Variants in RBFOX1 observed in about 807,000 individuals in gnomAD.
The protein encoded by RBFOX1 is RNA binding protein fox-1 homolog 1.
A neutral mutation model predicts 57.7 loss-of-function variants in RBFOX1; 8 were observed. That is an observed-to-expected ratio of 0.14 (90% CI 0.08 to 0.25). RBFOX1 has a LOEUF of 0.25. Among genes scored for constraint, RBFOX1 ranks in the 10% least tolerant of loss-of-function variants. The pLI is 1.00. For synonymous variants in RBFOX1, 326 were observed against 222.4 expected, an observed-to-expected ratio of 1.47 and a Z score of -4.15; for missense variants, 611 against 548.5, an observed-to-expected ratio of 1.11 and a Z score of -1.14.
chr16:7,691,481 G>A (rs560024478), intron 14 of RBFOX1, among the ~76,000 whole-genome samples: 2 of 151,952 alleles, frequency 1.3e-5, no homozygotes, highest in African/African-American at 2.4e-5. Context: ...GAGAGGAAAA[G>A]AGGAAGAAAG....
chr16:5,924,973 C>A (rs147591238), intron 4 of RBFOX1, among the ~76,000 whole-genome samples: 2 of 152,154 alleles, frequency 1.3e-5, no homozygotes, highest in African/African-American at 4.8e-5. Context: ...CAGGGACCTT[C>A]CTATTCTTCC....
At chr16:5,883,466 C>T (rs2057816349) in intron 4 of RBFOX1, among the ~76,000 whole-genome samples, 1 of 152,048 alleles carries the variant, frequency 6.6e-6, no homozygotes, top group Admixed American at 6.6e-5. Flanking sequence ...TTGCATCTTA[C>T]CATATTGGTA....
At chr16:6,576,422 G>T (rs893122587) in intron 2 of RBFOX1, among the ~76,000 whole-genome samples, 3 of 152,072 alleles carry the variant, frequency 2.0e-5, no homozygotes, top group African/African-American at 7.2e-5. Flanking sequence ...GACCCAGTTG[G>T]GAATCAGATT....
At chr16:7,543,175 C>A (rs1326904838) in intron 5 of RBFOX1, among the ~76,000 whole-genome samples, 1 of 152,200 alleles carries the variant, frequency 6.6e-6, no homozygotes, top group South Asian at 2.1e-4. Context: ...GACACAACTC[C>A]TGAGCTACTG....
intron 2 of RBFOX1, among the ~76,000 whole-genome samples, chr16:6,644,137 T>C (rs12918955): frequency 0.077 from 11,774 of 152,124 alleles, 621 homozygotes; most frequent in East Asian, 0.16. Context: ...ATAATAATAG[T>C]GTAGGTTGCA....
rs540117399 is a variant in RBFOX1 at position 6,097,054 on chromosome 16, G to A, written c.-127+77062G>A. Among the ~76,000 whole-genome samples the A allele has an allele frequency of 6.6e-5, 10 of 152,210 alleles. No homozygotes were observed. Among genetic ancestry groups the A allele is most frequent in the African/African-American group, 2.4e-4 (10 of 41,552 alleles). On this transcript the variant is annotated intron_variant, in intron 1 of 15. Transcript: ENST00000550418. This position sits in a 1 kb window ranked among gnomAD's most constrained non-coding sequence, Gnocchi z 5.0. ...CGTGGGAGATAACTGAATCATGGGG[G>A]TGGTTTCCCCCATACTGTTGTCATG... is the stretch of plus-strand genomic sequence containing the variant.
At chr16:7,698,141 C>T (rs1046357195) in intron 14 of RBFOX1, among the ~76,000 whole-genome samples, 1 of 151,770 alleles carries the variant, frequency 6.6e-6, no homozygotes, top group Non-Finnish European at 1.5e-5. Context: ...CTGAAAACCC[C>T]AGACAGGTTG....
chr16:7,607,173 A>G, intron 9 of RBFOX1, 112 bp from the exon 10 acceptor site: 1 of 979,842 alleles, frequency 1.0e-6, no homozygotes, highest in Non-Finnish European at 1.5e-6. Flanking sequence ...CCTCCTTTAC[A>G]TTTTAAAATA....
At chr16:7,170,005 C>A (rs9941227) in intron 4 of RBFOX1, among the ~76,000 whole-genome samples, 1 of 152,122 alleles carries the variant, frequency 6.6e-6, no homozygotes, top group African/African-American at 2.4e-5. Flanking sequence ...CCTGGGGAGG[C>A]AGAGGTTGCA....
chr16:6,622,058 G>A (rs2098240984), intron 2 of RBFOX1, among the ~76,000 whole-genome samples: 1 of 152,054 alleles, frequency 6.6e-6, no homozygotes, highest in South Asian at 2.1e-4. Context: ...GGTTTGAGTT[G>A]GTGTTTATGT....
intron 1 of RBFOX1, among the ~76,000 whole-genome samples, chr16:5,261,197 A>G (rs1215402004): frequency 1.3e-5 from 2 of 152,156 alleles, no homozygotes; most frequent in Non-Finnish European, 2.9e-5. Flanking sequence ...TCTGGAAACT[A>G]GTTATTTCTA....
intron 1 of RBFOX1, among the ~76,000 whole-genome samples, chr16:6,064,153 C>T (rs189499204): frequency 8.7e-4 from 132 of 152,256 alleles, no homozygotes; most frequent in African/African-American, 3.0e-3. Context: ...GCTACATGAT[C>T]ATCTGTCTAG....
chr16:7,380,639 T>C (rs143574700), intron 4 of RBFOX1, among the ~76,000 whole-genome samples: 1 of 152,350 alleles, frequency 6.6e-6, no homozygotes, highest in African/African-American at 2.4e-5. Context: ...TGGCAGCAGC[T>C]CACACCGCTG....
intron 4 of RBFOX1, among the ~76,000 whole-genome samples, chr16:7,293,248 C>G (rs2095829018): frequency 6.6e-6 from 1 of 152,122 alleles, no homozygotes; most frequent in Non-Finnish European, 1.5e-5. Context: ...ATTGAAACAA[C>G]TATTTACATG....
At chr16:5,757,228 T>C (rs1457733465) in intron 3 of RBFOX1, among the ~76,000 whole-genome samples, 2 of 148,446 alleles carry the variant, frequency 1.3e-5, no homozygotes, top group African/African-American at 5.1e-5. Context: ...TTTTGGTTTT[T>C]GTGTTTTTTT....
intron 3 of RBFOX1, among the ~76,000 whole-genome samples, chr16:5,634,884 C>T (rs1052433161): frequency 1.3e-5 from 2 of 152,202 alleles, no homozygotes; most frequent in Admixed American, 6.5e-5. Flanking sequence ...TTTTTACTCA[C>T]AAGTGTTTAT....
chr16:6,057,979 T>G (rs528210735), intron 1 of RBFOX1, among the ~76,000 whole-genome samples: 3 of 152,148 alleles, frequency 2.0e-5, no homozygotes, highest in African/African-American at 7.2e-5. Flanking sequence ...AAAGCAAGCC[T>G]GAAGGCTGCA....
At chr16:7,218,753 T>G (rs2092476269) in intron 4 of RBFOX1, among the ~76,000 whole-genome samples, 1 of 151,500 alleles carries the variant, frequency 6.6e-6, no homozygotes, top group South Asian at 2.1e-4. Context: ...AAAGTAGTTT[T>G]CAGCAGAGAT....
At chr16:6,238,286 C>T (rs147118177) in intron 1 of RBFOX1, among the ~76,000 whole-genome samples, 214 of 152,140 alleles carry the variant, frequency 1.4e-3, no homozygotes, top group African/African-American at 4.9e-3. Flanking sequence ...TTCTTAGAAA[C>T]GAAATTTGTC....
Sources: gnomAD v4.1 joint callset for allele counts (sites outside exome capture counted in the v4.1 genomes callset) on GRCh38, gnomAD v4.1.1 for gene constraint, Gnocchi (gnomAD v3.1) non-coding constraint, MANE v1.5 for transcripts, NCBI Gene and HGNC (gene_info 2026-07-23, HGNC 2026-07-21) for gene names.